The following THSD4 variants were observed in gnomAD, a reference collection of about 807,000 sequenced individuals.
THSD4 encodes the protein thrombospondin type 1 domain containing 4.
Under a neutral mutation model 119.0 loss-of-function variants are expected in THSD4, and 69 were observed. The observed-to-expected ratio is 0.58, with a 90% confidence interval of 0.48 to 0.71. The LOEUF is 0.71. THSD4 is among the 30% of genes least tolerant of loss of function. The probability of loss-of-function intolerance (pLI) is 0.00; values close to 1 mark genes in which losing one functional copy is unlikely to be tolerated. For missense variants in THSD4, 1,393 were observed against 1,391.1 expected, an observed-to-expected ratio of 1.00 and a Z score of -0.02; for synonymous variants, 524 against 540.4, an observed-to-expected ratio of 0.97 and a Z score of 0.42.
chr15:71,368,070 C>A (rs1200534487), intron 6 of THSD4, among the ~76,000 whole-genome samples: 1 of 152,192 alleles, frequency 6.6e-6, no homozygotes, highest in Non-Finnish European at 1.5e-5. Flanking sequence ...CTTTTGGCTG[C>A]ATAAATGTCT....
At chr15:71,511,418 G>A (rs1464319776) in intron 7 of THSD4, among the ~76,000 whole-genome samples, 2 of 152,144 alleles carry the variant, frequency 1.3e-5, no homozygotes, top group African/African-American at 2.4e-5. Context: ...AGGCCAAGGT[G>A]TTCACTCTGA....
chr15:71,201,955 G>A (rs1192167716), intron 3 of THSD4, among the ~76,000 whole-genome samples: 2 of 152,152 alleles, frequency 1.3e-5, no homozygotes, highest in Non-Finnish European at 2.9e-5. Flanking sequence ...TGAATAGCTG[G>A]GGCCAGAAGG....
intron 7 of THSD4, among the ~76,000 whole-genome samples, chr15:71,595,702 T>C (rs2140882445): frequency 6.6e-6 from 1 of 152,324 alleles, no homozygotes; most frequent in East Asian, 1.9e-4. Flanking sequence ...TCCTGTTAAG[T>C]GGAGAACATT....
intron 6 of THSD4, among the ~76,000 whole-genome samples, chr15:71,307,046 C>T (rs1555462593): frequency 2.0e-5 from 3 of 152,216 alleles, no homozygotes; most frequent in Non-Finnish European, 4.4e-5. Flanking sequence ...AAGCCATACT[C>T]TTGGGGAAAA....
chr15:71,580,166 T>A (rs998902079), intron 7 of THSD4, among the ~76,000 whole-genome samples: 5 of 152,086 alleles, frequency 3.3e-5, no homozygotes, highest in African/African-American at 1.2e-4. Flanking sequence ...GAAAATTATT[T>A]CAGGGAAATG....
chr15:71,776,824 A>G (rs889460174), intron 17 of THSD4, among the ~76,000 whole-genome samples: 3 of 152,240 alleles, frequency 2.0e-5, no homozygotes, highest in Non-Finnish European at 4.4e-5. Context: ...CACAAATTCA[A>G]TGTCGAGCAA....
intron 6 of THSD4, among the ~76,000 whole-genome samples, chr15:71,293,206 A>G (rs1260543782): frequency 3.9e-5 from 6 of 152,022 alleles, no homozygotes; most frequent in Non-Finnish European, 8.8e-5. Context: ...TTGGTTGATG[A>G]GCTTTTCTTT....
rs186077331 is a variant in THSD4, at chr15:71,381,520, G to A, written c.1016-30167G>A. On this transcript the variant is annotated intron_variant, in intron 6 of 17. Coordinates refer to ENST00000261862, the MANE Select transcript of THSD4 (RefSeq NM_024817.3). ...TCTGGGAATTATTACCCTTCCATTG[G>A]AATTATCTTAAGGTTGTCAGAAACC... is the stretch of plus-strand genomic sequence containing the variant. Among the ~76,000 whole-genome samples, 591 of 152,248 alleles carry A rather than the reference G, an allele frequency of 3.9e-3. 2 individuals carry two copies. The highest frequency in any genetic ancestry group is 5.1e-3 in the Non-Finnish European group (348 of 68,010).
At chr15:71,702,999 T>A (rs1325654254) in intron 8 of THSD4, among the ~76,000 whole-genome samples, 2 of 151,660 alleles carry the variant, frequency 1.3e-5, no homozygotes, top group Non-Finnish European at 1.5e-5. Flanking sequence ...TTTTTTTTTT[T>A]AAATGGAGTC....
At chr15:71,719,671 A>C (rs62023263) in intron 8 of THSD4, among the ~76,000 whole-genome samples, 5,666 of 152,254 alleles carry the variant, frequency 0.037, 173 homozygotes, top group Non-Finnish European at 0.051. Context: ...CTTGAAATAC[A>C]ATTATCAAAA....
At chr15:71,735,880 C>T (rs1319821405) in intron 10 of THSD4, among the ~76,000 whole-genome samples, 1 of 150,754 alleles carries the variant, frequency 6.6e-6, no homozygotes, top group Non-Finnish European at 1.5e-5. Context: ...CTTTCTGTCT[C>T]TGTCTCTCTG....
At chr15:71,154,973 G>A in intron 3 of THSD4, 41 bp downstream of exon 3, 1 of 1,600,398 alleles carries the variant, frequency 6.2e-7, no homozygotes. Context: ...TCTGCCCAAG[G>A]GGCTAGGGCC....
intron 6 of THSD4, among the ~76,000 whole-genome samples, chr15:71,278,914 T>A (rs1324127775): frequency 6.6e-6 from 1 of 152,220 alleles, no homozygotes; most frequent in Non-Finnish European, 1.5e-5. Flanking sequence ...TGGGCTGAGT[T>A]GAGTTTTGTC....
At position 71,660,583 on chromosome 15, in the gene THSD4, G is replaced by C. The variant is rs2051282723; in HGVS notation, c.1206G>C (p.Gly402=). ...LGSDKVVDKC[G]VCGGDNTGCQ... ...CCGACAAAGTCGTGGACAAATGTGG[G>C]GTGTGTGGAGGAGACAACACGGGCT... Residue 402 remains glycine (G), a synonymous_variant, in exon 8 of 18, where the codon GGG becomes GGC. Coordinates refer to ENST00000261862, the MANE Select transcript of THSD4 (RefSeq NM_024817.3). 1 of 1,614,022 alleles carries C rather than the reference G, an allele frequency of 6.2e-7. No individual in the cohort carries two copies. The highest frequency in any genetic ancestry group is 8.5e-7 in the Non-Finnish European group (1 of 1,180,040).
At chr15:71,467,392 A>C (rs956211374) in intron 7 of THSD4, among the ~76,000 whole-genome samples, 4 of 152,184 alleles carry the variant, frequency 2.6e-5, no homozygotes, top group African/African-American at 9.7e-5. Context: ...AAATGATTAA[A>C]TCTGTGTATT....
At chr15:71,317,033 A>G (rs149590427) in intron 6 of THSD4, among the ~76,000 whole-genome samples, 132 of 152,328 alleles carry the variant, frequency 8.7e-4, no homozygotes, top group African/African-American at 3.0e-3. Context: ...TGTTTAGACA[A>G]ATTAGATTGC....
intron 6 of THSD4, among the ~76,000 whole-genome samples, chr15:71,285,746 C>T (rs113984604): frequency 2.7e-5 from 4 of 148,672 alleles, no homozygotes; most frequent in Non-Finnish European, 5.9e-5. Context: ...CCCAGCTATT[C>T]AGGAGACTGA....
intron 1 of THSD4, among the ~76,000 whole-genome samples, chr15:71,139,939 T>G (rs1039431989): frequency 1.3e-5 from 2 of 152,252 alleles, no homozygotes; most frequent in Non-Finnish European, 2.9e-5. Context: ...TAAGTTTTAC[T>G]ACGTTGCAAC....
intron 8 of THSD4, among the ~76,000 whole-genome samples, chr15:71,665,235 C>T (rs1362777719): frequency 7.2e-5 from 11 of 152,170 alleles, no homozygotes; most frequent in Non-Finnish European, 1.5e-4. Context: ...TTGCATTTCT[C>T]TAATGATTAG....
Sources: allele counts gnomAD v4.1 joint callset (sites outside exome capture counted in the v4.1 genomes callset), GRCh38; gene constraint gnomAD v4.1.1; transcripts MANE v1.5; gene names NCBI Gene and HGNC (gene_info 2026-07-23, HGNC 2026-07-21).